KCNB2: variants seen among roughly 807,000 people sequenced by gnomAD.
KCNB2 encodes the protein potassium voltage-gated channel subfamily B member 2, also known as delayed rectifier potassium channel protein.
KCNB2 carries 15 observed loss-of-function variants against 61.5 expected under a neutral mutation model. That is an observed-to-expected ratio of 0.24 (90% CI 0.16 to 0.38). The LOEUF (loss-of-function observed/expected upper bound fraction) is 0.38. Ranked by LOEUF, KCNB2 falls within the 10% of genes least tolerant of loss-of-function variation. KCNB2 has a pLI of 1.00. For missense variants in KCNB2, 828 were observed against 1,125.2 expected, an observed-to-expected ratio of 0.74 and a Z score of 3.78; for synonymous variants, 457 against 446.0, an observed-to-expected ratio of 1.02 and a Z score of -0.31.
chr8:72,784,133 T>C (rs1392033310), intron 2 of KCNB2, among the ~76,000 whole-genome samples: 1 of 152,150 alleles, frequency 6.6e-6, no homozygotes, highest in Non-Finnish European at 1.5e-5. Flanking sequence ...ATATTATATA[T>C]ATACATTGTG....
In KCNB2 at chr8:72,936,336, C is replaced by T; in HGVS notation, c.981C>T (p.Thr327=). ...HSTGLQSLGF[T]LRRSYNELGL... ...CAGGCCTGCAGTCTCTGGGTTTCAC[C>T]CTTAGGCGGAGTTACAATGAATTGG... The change falls in exon 3 of 3, where the codon ACC becomes ACT. Residue 327 remains threonine (T), a synonymous_variant. Coordinates refer to ENST00000523207, the MANE Select transcript of KCNB2 (RefSeq NM_004770.3). The surrounding 1 kb of genome is among the most constrained non-coding windows in gnomAD (Gnocchi z 5.6). The T allele has an allele frequency of 1.2e-6, 2 of 1,614,228 alleles. No homozygotes were observed. The highest frequency in any genetic ancestry group is 2.2e-5 in the South Asian group (2 of 91,084).
intron 2 of KCNB2, among the ~76,000 whole-genome samples, chr8:72,899,868 T>G (rs1351621664): frequency 6.6e-6 from 1 of 152,092 alleles, no homozygotes; most frequent in African/African-American, 2.4e-5. Context: ...TTCTAAAATT[T>G]CATATGAAGC....
intron 2 of KCNB2, among the ~76,000 whole-genome samples, chr8:72,608,412 C>G (rs1198705323): frequency 6.6e-6 from 1 of 152,112 alleles, no homozygotes; most frequent in Non-Finnish European, 1.5e-5. Flanking sequence ...AAAAATTACT[C>G]TAGCCCCTGT....
At chr8:72,583,707 C>T (rs1248773919) in intron 2 of KCNB2, among the ~76,000 whole-genome samples, 1 of 152,006 alleles carries the variant, frequency 6.6e-6, no homozygotes, top group East Asian at 1.9e-4. Flanking sequence ...AAAGATGAAC[C>T]CAGAGACTTT....
At chr8:72,555,242 C>T (rs139462913) in intron 1 of KCNB2, among the ~76,000 whole-genome samples, 18 of 151,722 alleles carry the variant, frequency 1.2e-4, no homozygotes, top group Admixed American at 5.3e-4. Flanking sequence ...TCTCACCATG[C>T]GAATTAACTG....
intron 2 of KCNB2, among the ~76,000 whole-genome samples, chr8:72,611,291 C>A (rs1004482074): frequency 3.3e-5 from 5 of 152,036 alleles, no homozygotes; most frequent in African/African-American, 1.2e-4. Context: ...TTGCCAATAC[C>A]TTTCACAAAA....
intron 2 of KCNB2, among the ~76,000 whole-genome samples, chr8:72,622,924 C>G (rs1455972024): frequency 6.6e-6 from 1 of 152,148 alleles, no homozygotes; most frequent in African/African-American, 2.4e-5. Context: ...CCTGCTAGAA[C>G]TTGCCATGTG....
chr8:72,647,544 CAAAGAT>C (rs1259055545), intron 2 of KCNB2, among the ~76,000 whole-genome samples: 1 of 151,974 alleles, frequency 6.6e-6, no homozygotes, highest in Admixed American at 6.6e-5. Flanking sequence ...TCAGTACTAT[CAAAGAT>C]AAACACAGCT....
intron 1 of KCNB2, among the ~76,000 whole-genome samples, chr8:72,565,143 A>G (rs980378558): frequency 1.7e-4 from 26 of 150,838 alleles, no homozygotes; most frequent in East Asian, 1.6e-3. Flanking sequence ...ATGTGTGTGT[A>G]TATATATATA....
chr8:72,611,343 G>A (rs757924514), intron 2 of KCNB2, among the ~76,000 whole-genome samples: 1 of 152,140 alleles, frequency 6.6e-6, no homozygotes, highest in African/African-American at 2.4e-5. Context: ...TCTCTTAAAT[G>A]TAGATAGGGT....
chr8:72,733,467 T>G (rs909099406), intron 2 of KCNB2, among the ~76,000 whole-genome samples: 7 of 152,150 alleles, frequency 4.6e-5, no homozygotes, highest in Admixed American at 3.3e-4. Context: ...CAATCAGATC[T>G]GGGTTCAGAG....
intron 2 of KCNB2, among the ~76,000 whole-genome samples, chr8:72,882,551 G>GAGAGAGAGAGAGAGAGAC (rs1563412318): frequency 3.3e-5 from 5 of 150,612 alleles, no homozygotes. Context: ...GAGAGAGAGA[G>GAGAGAGAGAGAGAGAGAC]AGAGAATGTG....
At chr8:72,619,251 G>A (rs1447741256) in intron 2 of KCNB2, 1 of 612,610 alleles carries the variant, frequency 1.6e-6, no homozygotes, top group South Asian at 1.4e-5. Flanking sequence ...CAAGGGCGAT[G>A]TGCTGTCAAC....
chr8:72,935,591 G>C (rs1441593825), intron 2 of KCNB2, among the ~76,000 whole-genome samples: 1 of 152,132 alleles, frequency 6.6e-6, no homozygotes. Flanking sequence ...ACACAAACCA[G>C]GTGGTTAAGA....
At chr8:72,644,933 TCCAGTATTC>T (rs1806107148) in intron 2 of KCNB2, among the ~76,000 whole-genome samples, 1 of 152,202 alleles carries the variant, frequency 6.6e-6, no homozygotes, top group Admixed American at 6.5e-5. Flanking sequence ...ATGTTGGCTT[TCCAGTATTC>T]CAGGAGTCTA....
chr8:72,847,822 T>C (rs552031588), intron 2 of KCNB2, among the ~76,000 whole-genome samples: 5 of 152,312 alleles, frequency 3.3e-5, no homozygotes, highest in African/African-American at 1.2e-4. Context: ...AGAGACTCAC[T>C]AGATGAATGT....
At chr8:72,674,368 T>TA (rs1447241448) in intron 2 of KCNB2, among the ~76,000 whole-genome samples, 1 of 152,244 alleles carries the variant, frequency 6.6e-6, no homozygotes, top group African/African-American at 2.4e-5. Flanking sequence ...TAACAACATT[T>TA]AAAGTTGTAA....
intron 2 of KCNB2, among the ~76,000 whole-genome samples, chr8:72,722,326 G>A (rs962020858): frequency 1.3e-5 from 2 of 152,174 alleles, no homozygotes; most frequent in Non-Finnish European, 2.9e-5. Context: ...ATGGTTGGAT[G>A]GCTTCTCATT....
At chr8:72,699,846 A>G (rs956066320) in intron 2 of KCNB2, among the ~76,000 whole-genome samples, 12 of 152,212 alleles carry the variant, frequency 7.9e-5, no homozygotes, top group Admixed American at 5.2e-4. Context: ...CATTATGGGT[A>G]TATACCCAAA....
Sources: gnomAD v4.1 joint callset for allele counts (sites outside exome capture counted in the v4.1 genomes callset) on GRCh38, gnomAD v4.1.1 for gene constraint, Gnocchi (gnomAD v3.1) non-coding constraint, MANE v1.5 for transcripts, NCBI Gene and HGNC (gene_info 2026-07-23, HGNC 2026-07-21) for gene names.